The following PHLDB1 variants were observed in gnomAD, a reference collection of about 807,000 sequenced individuals.
PHLDB1 encodes pleckstrin homology like domain family B member 1.
In PHLDB1, 65 loss-of-function variants were observed where a neutral mutation model predicts 139.3. The observed-to-expected ratio is 0.47, with a 90% CI of 0.38 to 0.57. PHLDB1 has a LOEUF of 0.57. Ranked by LOEUF, PHLDB1 falls within the 20% of genes least tolerant of loss-of-function variation. PHLDB1 has a pLI of 0.00. For synonymous variants in PHLDB1, 679 were observed against 734.5 expected (o/e 0.92, Z 1.22); for missense variants, 1,624 against 1,839.7 (o/e 0.88, Z 2.14).
Position 118,650,856 on chromosome 11 carries a change from A to C in PHLDB1, c.3874+309A>C. The C allele has an allele frequency of 1.5e-5, 6 of 390,698 alleles. No individual in the cohort carries two copies. Among genetic ancestry groups the C allele is most frequent in the South Asian group, 5.6e-5 (2 of 35,978 alleles). 24.2% of individuals were successfully genotyped at this position (390,698 alleles called of 1,614,324 possible). A position where few individuals can be genotyped will look rare whatever the true frequency, so the allele number is the denominator to read the frequency against. The stretch of plus-strand genomic sequence containing the variant: ...GGAGCTTATAATCAGGGAAGCAGAC[A>C]AGAGTGATAACCACGCACAATGGGT... On this transcript the variant is annotated intron_variant, in intron 20 of 22. Coordinates refer to ENST00000600882, the MANE Select transcript of PHLDB1 (RefSeq NM_001144758.3). The surrounding 1 kb of genome is among the most constrained non-coding windows in gnomAD (Gnocchi z 4.7).
rs1395393701 is a variant in PHLDB1, at chr11:118,631,303, G to T, written c.1924G>T (p.Ala642Ser). ...EAGELPSIGE[A>S]TAALALAGRR... Reference sequence around the variant, plus strand: ...TGGGGAGCTTCCCAGCATTGGGGAGGCCACCGCAGCATTGGCACTGGCAGG... The same window carrying T: ...TGGGGAGCTTCCCAGCATTGGGGAGTCCACCGCAGCATTGGCACTGGCAGG... The change falls in exon 7 of 23, where the codon GCC (alanine) becomes TCC (serine). Residue 642 changes from alanine (A) to serine (S), a missense_variant. Transcript: ENST00000600882. 19 of 1,539,178 alleles carry T rather than the reference G, an allele frequency of 1.2e-5. No individual in the cohort carries two copies. The highest frequency in any genetic ancestry group is 1.0e-4 in the East Asian group (4 of 40,176).
At chr11:118,619,247 C>T (rs1942277112) in intron 4 of PHLDB1, among the ~76,000 whole-genome samples, 1 of 152,154 alleles carries the variant, frequency 6.6e-6, no homozygotes, top group South Asian at 2.1e-4. Flanking sequence ...AGGTCCCCAT[C>T]CACTCCTAGC....
At position 118,645,582 on chromosome 11, in the gene PHLDB1, C is replaced by T; in HGVS notation, c.3348C>T (p.Ser1116=). ...EHAYDTLSLE[S]SDSMETSIST... is the part of the protein sequence containing the mutation. The stretch of plus-strand genomic sequence containing the variant: ...CCTATGATACGCTGAGTCTGGAGAG[C>T]TCTGACAGCATGGAGACCAGCATCT... The change falls in exon 16 of 23, where the codon AGC becomes AGT. Residue 1116 remains serine (S), a synonymous_variant. Coordinates refer to ENST00000600882, the MANE Select transcript of PHLDB1 (RefSeq NM_001144758.3). The surrounding 1 kb of genome is among the most constrained non-coding windows in gnomAD (Gnocchi z 5.1). 6.2e-7 allele frequency: 1 copy of T among 1,613,844 alleles called. No individual in the cohort carries two copies. Among genetic ancestry groups the T allele is most frequent in the Non-Finnish European group, 8.5e-7 (1 of 1,179,848 alleles).
At chr11:118,641,039 A>G (rs654423) in intron 12 of PHLDB1, 87,544 of 152,510 alleles carry the variant, frequency 0.57, 25,326 homozygotes, top group East Asian at 0.72. Context: ...GTGGCCTGGC[A>G]TGGAGTTTGG....
In PHLDB1 at chr11:118,656,760, C is replaced by G; in HGVS notation, c.4071C>G (p.Ala1357=). The stretch of plus-strand genomic sequence containing the variant: ...ACATGGTGGCCCCATCTGCAGAGGC[C>G]ATGCGTATCTGGATGGATGTCATTG... ...LYYMVAPSAE[A]MRIWMDVIVT... is the part of the protein sequence containing the mutation. Residue 1357 remains alanine (A), a synonymous_variant, in exon 23 of 23, where the codon GCC becomes GCG. Coordinates refer to ENST00000600882, the MANE Select transcript of PHLDB1 (RefSeq NM_001144758.3). The G allele has an allele frequency of 6.2e-7, 1 of 1,613,946 alleles. No individual in the cohort carries two copies. Among genetic ancestry groups the G allele is most frequent in the Non-Finnish European group, 8.5e-7 (1 of 1,179,824 alleles).
rs1555105778 is a variant in PHLDB1, at chr11:118,628,292, C to T, written c.1469C>T (p.Pro490Leu). Residue 490 changes from proline to leucine, a missense_variant, in exon 6 of 23, where the codon CCT (proline) becomes CTT (leucine). Transcript: ENST00000600882. ...CTAAACAGGGAAGTGGCAGAGAGTC[C>T]TCGGCCCCGGCGCTGGGCAGCCCAT... is the stretch of plus-strand genomic sequence containing the variant. ...PKLNREVAES[P>L]RPRRWAAHGA... The T allele has an allele frequency of 6.2e-7, 1 of 1,613,904 alleles. No homozygotes were observed. The highest frequency in any genetic ancestry group is 1.3e-5 in the African/African-American group (1 of 75,014).
At position 118,627,907 on chromosome 11, in the gene PHLDB1, A is replaced by G. The variant is rs1555104499; in HGVS notation, c.1084A>G (p.Ser362Gly). 5 of 1,611,732 alleles carry G rather than the reference A, an allele frequency of 3.1e-6. No homozygotes were observed. Among genetic ancestry groups the G allele is most frequent in the Non-Finnish European group, 4.2e-6 (5 of 1,179,992 alleles). Reference sequence around the variant, plus strand: ...TGGGCAGCTGCCTGTGGTGGCCATCAGCCTGAGTGAATACCCAGCTTCTGG... The same window carrying G: ...TGGGCAGCTGCCTGTGGTGGCCATCGGCCTGAGTGAATACCCAGCTTCTGG... ...LGGQLPVVAI[S>G]LSEYPASGAL... The change falls in exon 6 of 23, where the codon AGC (serine) becomes GGC (glycine). Residue 362 changes from serine to glycine, a missense_variant. By Grantham distance (56) the Ser-to-Gly change is moderately conservative (BLOSUM62 0). Transcript: ENST00000600882.
chr11:118,631,772 T>G (rs2136250096), intron 7 of PHLDB1, 141 bp from the exon 8 acceptor site: 9 of 1,017,374 alleles, frequency 8.8e-6, no homozygotes, highest in South Asian at 3.2e-5. Context: ...AAGGTGGGGG[T>G]TGCGGGGGGG....
Position 118,648,061 on chromosome 11 carries a change from G to C in PHLDB1, c.3639G>C (p.Glu1213Asp). 1 of 1,613,476 alleles carries C rather than the reference G, an allele frequency of 6.2e-7. No individual in the cohort carries two copies. The highest frequency in any genetic ancestry group is 1.1e-5 in the South Asian group (1 of 90,952). Residue 1213 changes from glutamate (E) to aspartate (D), a missense_variant, in exon 18 of 23, where the codon GAG (glutamate) becomes GAC (aspartate). Transcript: ENST00000600882. ...QLVEKEVKMREKQFSQARPLT... is the reference protein window; with the variant it reads ...QLVEKEVKMRDKQFSQARPLT... ...TCGAGAAGGAGGTCAAGATGCGGGA[G>C]AAACAATTTTCCCAGGTGAATGGGC...
Position 118,631,368 on chromosome 11 carries a change from G to T in PHLDB1, c.1989G>T (p.Arg663=). 4.6e-6 allele frequency: 7 copies of T among 1,522,002 alleles called. No individual in the cohort carries two copies. The highest frequency in any genetic ancestry group is 6.2e-6 in the Non-Finnish European group (7 of 1,136,554). The allele number at this position is 1,522,002 out of a possible 1,614,324, so 94.3% of individuals were successfully genotyped here. A position where few individuals can be genotyped will look rare whatever the true frequency, so the allele number is the denominator to read the frequency against. Reference sequence around the variant, plus strand: ...GAGGCCTTGCAGGGGCCTCTGGGCGGAGCAGCGAGGAGCCTGGCGTTGCCA... The same window carrying T: ...GAGGCCTTGCAGGGGCCTCTGGGCGTAGCAGCGAGGAGCCTGGCGTTGCCA... ...PSRGLAGASG[R]SSEEPGVATQ... The change falls in exon 7 of 23, where the codon CGG becomes CGT. Residue 663 remains arginine (R), a synonymous_variant. Transcript: ENST00000600882.
At position 118,628,349 on chromosome 11, in the gene PHLDB1, T is replaced by C; in HGVS notation, c.1526T>C (p.Leu509Pro). 1 of 1,612,080 alleles carries C rather than the reference T, an allele frequency of 6.2e-7. No individual in the cohort carries two copies. Among genetic ancestry groups the C allele is most frequent in the Non-Finnish European group, 8.5e-7 (1 of 1,179,208 alleles). Reference sequence around the variant, plus strand: ...TCACCAGAGGACTTCTCCCTGACGCTGGGGGCACGGGGCCGTAGGACACGG... The same window carrying C: ...TCACCAGAGGACTTCTCCCTGACGCCGGGGGCACGGGGCCGTAGGACACGG... ...GASPEDFSLT[L>P]GARGRRTRSP... The change falls in exon 6 of 23, where the codon CTG becomes CCG. Residue 509 changes from leucine to proline, a missense_variant. Coordinates refer to ENST00000600882, the MANE Select transcript of PHLDB1 (RefSeq NM_001144758.3).
chr11:118,648,703 C>G (rs1392630329), intron 18 of PHLDB1, among the ~76,000 whole-genome samples: 1 of 152,174 alleles, frequency 6.6e-6, no homozygotes, highest in African/African-American at 2.4e-5. Flanking sequence ...CCAGCCCTAC[C>G]CTTTCTCCTT....
intron 1 of PHLDB1, 157 bp from the exon 2 acceptor site, chr11:118,613,659 C>A: frequency 1.7e-6 from 1 of 592,616 alleles, no homozygotes; most frequent in Non-Finnish European, 2.9e-6. Context: ...AACTCCCACC[C>A]AAGCTCTTTA....
chr11:118,630,033 T>G (rs781914043), intron 6 of PHLDB1: 148 of 1,194,980 alleles, frequency 1.2e-4, no homozygotes, highest in Non-Finnish European at 1.6e-4. Context: ...TTCCGGTTTT[T>G]TTTTTTTTTT....
At chr11:118,630,915 AGAAAG>A (rs1565443699) in intron 6 of PHLDB1, among the ~76,000 whole-genome samples, 1 of 151,456 alleles carries the variant, frequency 6.6e-6, no homozygotes, top group Non-Finnish European at 1.5e-5. Context: ...GACTGAAAAA[AGAAAG>A]GAACAGGAAG....
chr11:118,623,510 T>A (rs1291049216), intron 4 of PHLDB1, among the ~76,000 whole-genome samples: 2 of 152,292 alleles, frequency 1.3e-5, no homozygotes, highest in South Asian at 2.1e-4. Context: ...GTCTACTGCC[T>A]GGGAATGTGC....
Position 118,645,527 on chromosome 11 carries a change from G to C in PHLDB1, c.3293G>C (p.Gly1098Ala), listed in dbSNP as rs1178384943. The change falls in exon 16 of 23, where the codon GGG becomes GCG. Residue 1098 changes from glycine (G) to alanine (A), a missense_variant. Coordinates refer to ENST00000600882, the MANE Select transcript of PHLDB1 (RefSeq NM_001144758.3). This position sits in a 1 kb window ranked among gnomAD's most constrained non-coding sequence, Gnocchi z 5.1. ...TCTATCCTACACCACCTGCCTGCGG[G>C]GCGGGAGCGTGGGGAGGAGGGTGAG... ...HHSILHHLPA[G>A]RERGEEGEHA... is the part of the protein sequence containing the mutation. The C allele has an allele frequency of 2.5e-6, 4 of 1,612,952 alleles. No individual in the cohort carries two copies. The African/African-American group carries it at 5.3e-5, about 22-fold the overall frequency.
At position 118,627,851 on chromosome 11, in the gene PHLDB1, C is replaced by A; in HGVS notation, c.1028C>A (p.Ala343Asp). The A allele has an allele frequency of 6.2e-7, 1 of 1,607,792 alleles. No individual in the cohort carries two copies. The highest frequency in any genetic ancestry group is 8.5e-7 in the Non-Finnish European group (1 of 1,179,826). Reference sequence around the variant, plus strand: ...CCTGCAGCTACTGTCTTGGCGGAGGCCCGGAGAGCCACTGAGAGCCCCCGG... The same window carrying A: ...CCTGCAGCTACTGTCTTGGCGGAGGACCGGAGAGCCACTGAGAGCCCCCGG... Reference protein sequence around the residue: ...DSPAATVLAEARRATESPRLG... With the variant: ...DSPAATVLAEDRRATESPRLG... The change falls in exon 6 of 23, where the codon GCC becomes GAC. Residue 343 changes from alanine (A) to aspartate (D), a missense_variant. Transcript: ENST00000600882.
intron 20 of PHLDB1, chr11:118,653,342 G>A (rs191628467): frequency 6.6e-6 from 1 of 152,094 alleles, no homozygotes; most frequent in African/African-American, 2.4e-5. Flanking sequence ...ATGGAGTCCA[G>A]ATTACGTATT....
Sources: allele counts gnomAD v4.1 joint callset (sites outside exome capture counted in the v4.1 genomes callset), GRCh38; gene constraint gnomAD v4.1.1; non-coding constraint Gnocchi (gnomAD v3.1); transcripts MANE v1.5; gene names NCBI Gene and HGNC (gene_info 2026-07-23, HGNC 2026-07-21).